The following SPICE1 variants were observed in gnomAD, a reference collection of about 807,000 sequenced individuals.
The protein encoded by SPICE1 is spindle and centriole-associated protein 1.
A neutral mutation model predicts 102.7 loss-of-function variants in SPICE1; 75 were observed. That is an observed-to-expected ratio of 0.73 (90% confidence interval 0.61 to 0.88). The LOEUF is 0.88. SPICE1 is among the 40% of genes least tolerant of loss of function. The pLI, the probability that SPICE1 is intolerant of heterozygous loss-of-function variation, is 0.00. For missense variants in SPICE1, 979 were observed against 1,020.1 expected (o/e 0.96, Z 0.55); for synonymous variants, 308 against 350.3 (o/e 0.88, Z 1.35).
chr3:113,459,339 G>A (rs1273454539), intron 12 of SPICE1: 1 of 428,252 alleles, frequency 2.3e-6, no homozygotes, highest in African/African-American at 2.2e-5. Context: ...ATGTTTATCT[G>A]CTGACCTTCC....
intron 7 of SPICE1, among the ~76,000 whole-genome samples, chr3:113,470,920 T>C (rs1936179520): frequency 6.6e-6 from 1 of 152,262 alleles, no homozygotes; most frequent in Non-Finnish European, 1.5e-5. Flanking sequence ...CATGGTATTT[T>C]GAAAGCAGAC....
At chr3:113,488,607 G>A (rs1464267107) in intron 7 of SPICE1, among the ~76,000 whole-genome samples, 1 of 152,154 alleles carries the variant, frequency 6.6e-6, no homozygotes, top group Non-Finnish European at 1.5e-5. Flanking sequence ...GAAGGGGGAG[G>A]GCGGGAGGTA....
At chr3:113,445,878 A>G (rs114272880) in intron 17 of SPICE1, among the ~76,000 whole-genome samples, 17 of 152,308 alleles carry the variant, frequency 1.1e-4, no homozygotes, top group African/African-American at 3.4e-4. Context: ...GAACTCAGTA[A>G]TAAGAAATGC....
Position 113,468,186 on chromosome 3 carries a change from A to T in SPICE1, c.1108T>A (p.Leu370Met), listed in dbSNP as rs768915000. 9.9e-6 allele frequency: 16 copies of T among 1,614,170 alleles called. No individual in the cohort carries two copies. Among genetic ancestry groups the T allele is most frequent in the Non-Finnish European group, 1.2e-5 (14 of 1,180,028 alleles). Residue 370 changes from leucine to methionine, a missense_variant, in exon 10 of 18, where the codon TTG (leucine) becomes ATG (methionine). Coordinates refer to ENST00000295872, the MANE Select transcript of SPICE1 (RefSeq NM_144718.4). The stretch of plus-strand genomic sequence containing the variant: ...CGACAGAGGGAGCTCACCAGCGACA[A>T]AGTGAAGCCTGTAAGACCCTGACTG... ...QSSQGLTGFT[L>M]SLVSSLCRLV...
At chr3:113,502,791 G>A (rs1485504642) in intron 3 of SPICE1, among the ~76,000 whole-genome samples, 1 of 151,582 alleles carries the variant, frequency 6.6e-6, no homozygotes, top group African/African-American at 2.4e-5. Flanking sequence ...TCCAAGTAAG[G>A]AATGGGGGCT....
chr3:113,459,869 G>A (rs1452562313), intron 12 of SPICE1: 9 of 977,454 alleles, frequency 9.2e-6, no homozygotes, highest in South Asian at 4.7e-5. Context: ...GTGACAGAGC[G>A]AAACTCCATC....
chr3:113,510,180 A>C (rs549252464), intron 1 of SPICE1, among the ~76,000 whole-genome samples: 1 of 152,346 alleles, frequency 6.6e-6, no homozygotes, highest in East Asian at 1.9e-4. Flanking sequence ...TACAGTGAAA[A>C]TAGCCATACT....
At chr3:113,486,738 T>C (rs1379672642) in intron 7 of SPICE1, among the ~76,000 whole-genome samples, 1 of 151,690 alleles carries the variant, frequency 6.6e-6, no homozygotes, top group African/African-American at 2.4e-5. Context: ...AACATCTATG[T>C]ACCTCATGAA....
intron 1 of SPICE1, among the ~76,000 whole-genome samples, chr3:113,509,715 G>C (rs746305396): frequency 1.3e-5 from 2 of 152,194 alleles, no homozygotes; most frequent in Admixed American, 1.3e-4. Context: ...TGGTTTGGCT[G>C]AGTCCCCACC....
At chr3:113,469,759 T>C (rs1936152862) in intron 7 of SPICE1, among the ~76,000 whole-genome samples, 1 of 152,186 alleles carries the variant, frequency 6.6e-6, no homozygotes, top group African/African-American at 2.4e-5. Context: ...CCCAGTTTCC[T>C]ACCTACCTTG....
chr3:113,468,469 A>T, intron 9 of SPICE1, 65 bp from the exon 10 acceptor site: 1 of 1,525,834 alleles, frequency 6.6e-7, no homozygotes, highest in Non-Finnish European at 8.9e-7. Flanking sequence ...AACTACTAGA[A>T]AAATCTTTTG....
intron 7 of SPICE1, among the ~76,000 whole-genome samples, chr3:113,487,153 T>C (rs1936667808): frequency 6.6e-6 from 1 of 152,144 alleles, no homozygotes; most frequent in Non-Finnish European, 1.5e-5. Flanking sequence ...TGAACTCTAC[T>C]TAGCAGGTTT....
chr3:113,475,953 G>C (rs1936334844), intron 7 of SPICE1, among the ~76,000 whole-genome samples: 1 of 152,118 alleles, frequency 6.6e-6, no homozygotes, highest in Middle Eastern at 3.4e-3. Flanking sequence ...GGCAGGAGAA[G>C]GAAATAAAGG....
chr3:113,497,065 A>G (rs1936906161), intron 4 of SPICE1, among the ~76,000 whole-genome samples: 1 of 152,212 alleles, frequency 6.6e-6, no homozygotes, highest in South Asian at 2.1e-4. Flanking sequence ...TTTCCCAACC[A>G]TCTTTGTAAG....
At chr3:113,460,579 A>G (rs1425856450) in intron 12 of SPICE1, 38 bp downstream of exon 12, 3 of 1,566,542 alleles carry the variant, frequency 1.9e-6, no homozygotes, top group Non-Finnish European at 1.7e-6. Context: ...GCCATTAAGT[A>G]GTCTAATGAC....
intron 6 of SPICE1, 90 bp from the exon 7 acceptor site, chr3:113,489,153 T>A: frequency 6.7e-6 from 5 of 741,370 alleles, no homozygotes; most frequent in South Asian, 5.3e-5. Context: ...AGAAGAGAGT[T>A]CCCTCCTCCT....
In SPICE1 at chr3:113,458,801, G is replaced by A. The variant is rs1300879776; in HGVS notation, c.1436-1444C>T. The stretch of plus-strand genomic sequence containing the variant: ...TGCCTGGCCGCCCATCGTCTGGGAT[G>A]TGGGGAGCGTCTCTGCCCCGCTGCC... On this transcript the variant is annotated intron_variant, in intron 12 of 17. Coordinates refer to ENST00000295872, the MANE Select transcript of SPICE1 (RefSeq NM_144718.4). Among the ~76,000 whole-genome samples the A allele has an allele frequency of 5.3e-5, 8 of 151,912 alleles. 1 individual carries two copies. The East Asian group carries it at 1.2e-3, about 22-fold the overall frequency.
At chr3:113,501,243 C>T (rs539645158) in intron 3 of SPICE1, among the ~76,000 whole-genome samples, 1 of 152,228 alleles carries the variant, frequency 6.6e-6, no homozygotes, top group East Asian at 1.9e-4. Context: ...TCCCACCACA[C>T]ACCATACAGA....
rs1341589807 is a variant in SPICE1, at chr3:113,469,193, C to T, written c.657G>A (p.Lys219=). The stretch of plus-strand genomic sequence containing the variant: ...TTTTCTGCTGAATGTCAGTCCACAA[C>T]TTACTAATTAACTCAAAATTCTCTT... ...LTEENFELIS[K]LWTDIQQKIA... is the part of the protein sequence containing the mutation. Residue 219 remains lysine (K), a synonymous_variant, in exon 8 of 18, where the codon AAG becomes AAA. Transcript: ENST00000295872. 2 of 1,603,408 alleles carry T rather than the reference C, an allele frequency of 1.2e-6. No homozygotes were observed. The highest frequency in any genetic ancestry group is 1.7e-4 in the Middle Eastern group (1 of 6,018).
Sources: allele counts gnomAD v4.1 joint callset (sites outside exome capture counted in the v4.1 genomes callset), GRCh38; gene constraint gnomAD v4.1.1; transcripts MANE v1.5; gene names NCBI Gene and HGNC (gene_info 2026-07-23, HGNC 2026-07-21).